Variants in CCDC186 observed in about 807,000 individuals in gnomAD.
CCDC186 encodes the protein coiled-coil domain containing 186, also known as coiled-coil domain-containing protein 186.
Under a neutral mutation model 113.7 loss-of-function variants are expected in CCDC186, and 49 were observed. The ratio of observed to expected loss-of-function variants is 0.43; its 90% CI spans 0.34 to 0.55. CCDC186 has a LOEUF of 0.55. Among genes scored for constraint, CCDC186 ranks in the 20% least tolerant of loss-of-function variants. The probability of loss-of-function intolerance (pLI) is 0.02; values close to 1 mark genes in which losing one functional copy is unlikely to be tolerated. For missense variants in CCDC186, 890 were observed against 1,011.1 expected (o/e 0.88, Z 1.62); for synonymous variants, 355 against 345.8 (o/e 1.03, Z -0.30).
chr10:114,170,969 C>T (rs1157086931), intron 1 of CCDC186, among the ~76,000 whole-genome samples: 1 of 152,076 alleles, frequency 6.6e-6, no homozygotes, highest in African/African-American at 2.4e-5. Flanking sequence ...GGGTCAGTGG[C>T]CACATCATAG....
chr10:114,146,187 T>C (rs2031635754), intron 4 of CCDC186, among the ~76,000 whole-genome samples: 1 of 152,224 alleles, frequency 6.6e-6, no homozygotes, highest in Non-Finnish European at 1.5e-5. Context: ...GAGTGAGATC[T>C]GGCTCCTCCA....
intron 3 of CCDC186, among the ~76,000 whole-genome samples, chr10:114,155,308 A>G (rs116317298): frequency 0.012 from 1,854 of 152,364 alleles, 21 homozygotes; most frequent in Middle Eastern, 0.031. Flanking sequence ...TTACAAAATT[A>G]TCTAGAGCAA....
intron 1 of CCDC186, among the ~76,000 whole-genome samples, chr10:114,167,787 A>G (rs1245578800): frequency 7.3e-6 from 1 of 137,130 alleles, no homozygotes; most frequent in Non-Finnish European, 1.5e-5. Flanking sequence ...ACATAACAAG[A>G]CCTAATCTCC....
chr10:114,173,179 C>A (rs1486071311), intron 1 of CCDC186: 1 of 455,944 alleles, frequency 2.2e-6, no homozygotes, highest in African/African-American at 2.0e-5. Flanking sequence ...ATTCTCTCTT[C>A]TGATTTCCAC....
At chr10:114,173,323 C>G in intron 1 of CCDC186, 1 of 422,696 alleles carries the variant, frequency 2.4e-6, no homozygotes, top group Non-Finnish European at 4.8e-6. Flanking sequence ...AACAGCTAAG[C>G]AATACTCACA....
intron 6 of CCDC186, among the ~76,000 whole-genome samples, chr10:114,143,183 C>G (rs1036418287): frequency 6.6e-5 from 10 of 152,182 alleles, no homozygotes; most frequent in Non-Finnish European, 1.0e-4. Context: ...ACCTCTCTAA[C>G]CTATTTACAG....
chr10:114,144,624 A>G lies in CCDC186; in HGVS notation c.1102-8T>C, dbSNP rs774786077. 6.2e-7 allele frequency: 1 copy of G among 1,600,638 alleles called. No individual in the cohort carries two copies. Among genetic ancestry groups the G allele is most frequent in the Non-Finnish European group, 8.5e-7 (1 of 1,171,406 alleles). ...TCTAGTCGTTTCGCCTTCCTAAAAT[A>G]ATATCACTAGGTCATATATTTTCAT... On this transcript the variant is annotated splice_polypyrimidine_tract_variant and splice_region_variant and intron_variant, in intron 5 of 15. Coordinates refer to ENST00000369287, the MANE Select transcript of CCDC186 (RefSeq NM_018017.4).
At chr10:114,168,634 T>A (rs1196712466) in intron 1 of CCDC186, among the ~76,000 whole-genome samples, 1 of 152,070 alleles carries the variant, frequency 6.6e-6, no homozygotes, top group Non-Finnish European at 1.5e-5. Flanking sequence ...TTATGAGTCA[T>A]CCCCGACCCA....
chr10:114,121,308 A>G lies in CCDC186; in HGVS notation c.*3835T>C, dbSNP rs903474541. The G allele has an allele frequency of 6.6e-6, 1 of 152,232 alleles. No individual in the cohort carries two copies. The highest frequency in any genetic ancestry group is 2.1e-4 in the South Asian group (1 of 4,836). The allele number at this position is 152,232 out of a possible 1,614,324, so 9.4% of individuals were successfully genotyped here. ...TATTGAAAAATAGGCTACATAAAGCATAAATGACAACATGATTTATAAAAA... is the reference window on the plus strand; with the variant it reads ...TATTGAAAAATAGGCTACATAAAGCGTAAATGACAACATGATTTATAAAAA... On this transcript the variant is annotated 3_prime_UTR_variant, in exon 16 of 16. Coordinates refer to ENST00000369287, the MANE Select transcript of CCDC186 (RefSeq NM_018017.4).
intron 6 of CCDC186, among the ~76,000 whole-genome samples, chr10:114,140,900 C>CTT (rs34725526): frequency 0.081 from 11,777 of 145,654 alleles, 532 homozygotes; most frequent in Middle Eastern, 0.15. Flanking sequence ...ATTTCTGAAT[C>CTT]TTTTTTTTTT....
At chr10:114,147,783 G>C (rs995563904) in intron 4 of CCDC186, among the ~76,000 whole-genome samples, 4 of 152,090 alleles carry the variant, frequency 2.6e-5, no homozygotes, top group Non-Finnish European at 5.9e-5. Context: ...TTGAGAGATA[G>C]GGGGTAGAAA....
At chr10:114,167,804 A>T (rs1046135055) in intron 1 of CCDC186, among the ~76,000 whole-genome samples, 136 of 124,654 alleles carry the variant, frequency 1.1e-3, no homozygotes, top group African/African-American at 3.5e-3. Context: ...CTCCGTAAAA[A>T]AAAAAAAAAA....
At chr10:114,154,897 C>T (rs1413180513) in intron 3 of CCDC186, among the ~76,000 whole-genome samples, 1 of 152,110 alleles carries the variant, frequency 6.6e-6, no homozygotes, top group Non-Finnish European at 1.5e-5. Context: ...ACTATTCAAT[C>T]ATTAAAAACA....
rs1177550057 is a variant in CCDC186, at chr10:114,157,350, ATTTTCTAT to A, written c.759+196_759+203del. ...AGGCGCATGCTACCATATGCAGCTA[ATTTTCTAT>A]TTTTTTTTTTTTTTGTAGAGACAGG... is the stretch of plus-strand genomic sequence containing the variant. On this transcript the variant is annotated intron_variant, in intron 3 of 15. Transcript: ENST00000369287. Among the ~76,000 whole-genome samples the A allele has an allele frequency of 3.3e-5, 5 of 149,586 alleles. No individual in the cohort carries two copies. In the East Asian group the frequency reaches 9.7e-4, roughly 29 times the overall value.
intron 2 of CCDC186, chr10:114,162,123 C>T (rs1451672735): frequency 6.6e-6 from 1 of 152,258 alleles, no homozygotes; most frequent in African/African-American, 2.4e-5. Context: ...TATATAATAA[C>T]ACTACTGAAA....
chr10:114,136,019 A>G, intron 8 of CCDC186, 42 bp from the exon 9 acceptor site: 1 of 1,557,362 alleles, frequency 6.4e-7, no homozygotes, highest in Non-Finnish European at 8.8e-7. Context: ...ATAATGTGCT[A>G]AACTATATCT....
chr10:114,139,502 G>A (rs2031393522), intron 6 of CCDC186, among the ~76,000 whole-genome samples: 1 of 150,662 alleles, frequency 6.6e-6, no homozygotes. Context: ...GGCAGAGGTT[G>A]CAGTGAGCCA....
intron 15 of CCDC186, 62 bp downstream of exon 15, chr10:114,125,824 T>G (rs1180918793): frequency 2.9e-6 from 4 of 1,398,832 alleles, no homozygotes; most frequent in Non-Finnish European, 3.0e-6. Context: ...TAGATCAGAC[T>G]GTGAAACAGG....
intron 5 of CCDC186, among the ~76,000 whole-genome samples, chr10:114,145,282 A>G (rs2031598865): frequency 1.3e-5 from 2 of 152,142 alleles, no homozygotes; most frequent in Admixed American, 6.5e-5. Flanking sequence ...ATTTTAAAAG[A>G]AAGTTTTTAG....
Sources: gnomAD v4.1 joint callset for allele counts (sites outside exome capture counted in the v4.1 genomes callset) on GRCh38, gnomAD v4.1.1 for gene constraint, MANE v1.5 for transcripts, NCBI Gene and HGNC (gene_info 2026-07-23, HGNC 2026-07-21) for gene names.